The following MED27 variants were observed in gnomAD, a reference collection of about 807,000 sequenced individuals.
The protein encoded by MED27 is mediator of RNA polymerase II transcription subunit 27.
In MED27, 30 loss-of-function variants were observed where a neutral mutation model predicts 38.2. The ratio of observed to expected loss-of-function variants is 0.79; its 90% confidence interval spans 0.59 to 1.07. The LOEUF (loss-of-function observed/expected upper bound fraction) is 1.07. Among genes scored for constraint, MED27 ranks in the 50% least tolerant of loss-of-function variants. MED27 has a pLI of 0.00. For synonymous variants in MED27, 122 were observed against 153.5 expected, an observed-to-expected ratio of 0.79 and a Z score of 1.52; for missense variants, 289 against 397.5, an observed-to-expected ratio of 0.73 and a Z score of 2.32.
At chr9:132,040,109 C>T (rs980134089) in intron 2 of MED27, among the ~76,000 whole-genome samples, 2 of 152,186 alleles carry the variant, frequency 1.3e-5, no homozygotes, top group African/African-American at 4.8e-5. Flanking sequence ...TTATACATCA[C>T]TTTTCAAAAT....
chr9:132,072,083 T>C (rs766913894), intron 2 of MED27, among the ~76,000 whole-genome samples: 1 of 152,062 alleles, frequency 6.6e-6, no homozygotes, highest in Non-Finnish European at 1.5e-5. Flanking sequence ...CATAAATAAG[T>C]ACACATGCAT....
intron 4 of MED27, among the ~76,000 whole-genome samples, chr9:131,911,581 A>C (rs142002323): frequency 6.0e-4 from 91 of 152,378 alleles, no homozygotes; most frequent in African/African-American, 2.2e-3. Flanking sequence ...CTGTATGAAA[A>C]GAACATCTGT....
chr9:131,892,074 T>C (rs1209790483), intron 5 of MED27, among the ~76,000 whole-genome samples: 1 of 152,096 alleles, frequency 6.6e-6, no homozygotes, highest in East Asian at 1.9e-4. Context: ...ACGGGAAGTC[T>C]GATCTAGAAA....
intron 2 of MED27, among the ~76,000 whole-genome samples, chr9:132,021,130 A>G (rs1189501185): frequency 6.6e-6 from 1 of 152,216 alleles, no homozygotes; most frequent in Non-Finnish European, 1.5e-5. Flanking sequence ...CCAAACTTCA[A>G]AAGCTATCCA....
At chr9:131,902,130 C>T (rs1829959277) in intron 4 of MED27, among the ~76,000 whole-genome samples, 1 of 152,164 alleles carries the variant, frequency 6.6e-6, no homozygotes, top group East Asian at 1.9e-4. Flanking sequence ...AGACTCCTGG[C>T]TTCCCTCACA....
chr9:132,054,258 C>T (rs914325372), intron 2 of MED27, among the ~76,000 whole-genome samples: 1 of 152,108 alleles, frequency 6.6e-6, no homozygotes, highest in African/African-American at 2.4e-5. Flanking sequence ...TGTGCGGCAC[C>T]GCCCCGCTCC....
At chr9:131,867,317 G>C (rs1293130384) in intron 6 of MED27, among the ~76,000 whole-genome samples, 2 of 152,150 alleles carry the variant, frequency 1.3e-5, no homozygotes, top group Non-Finnish European at 2.9e-5. Context: ...GGGCATCTTG[G>C]ACTTGCCCTC....
At chr9:131,897,125 G>A (rs1394160616) in intron 4 of MED27, among the ~76,000 whole-genome samples, 1 of 152,188 alleles carries the variant, frequency 6.6e-6, no homozygotes, top group African/African-American at 2.4e-5. Context: ...ATTGCTGCAC[G>A]ACATTCTACT....
rs1832958617 is a variant in MED27 at position 132,031,457 on chromosome 9, C to G, written c.349-16990G>C. 2.0e-5 allele frequency among the ~76,000 whole-genome samples: 3 copies of G among 152,136 alleles called. No individual in the cohort carries two copies. The South Asian group carries it at 6.2e-4, about 32-fold the overall frequency. On this transcript the variant is annotated intron_variant, in intron 2 of 7. Coordinates refer to ENST00000292035, the MANE Select transcript of MED27 (RefSeq NM_004269.4). Reference sequence around the variant, plus strand: ...AGGCAACAGATAACTTCTAAAACAGCAGTCTAAGCAGGTTATTTAGGAAAA... The same window carrying G: ...AGGCAACAGATAACTTCTAAAACAGGAGTCTAAGCAGGTTATTTAGGAAAA...
At chr9:132,058,994 A>T (rs1386696235) in intron 2 of MED27, among the ~76,000 whole-genome samples, 1 of 151,872 alleles carries the variant, frequency 6.6e-6, no homozygotes, top group Non-Finnish European at 1.5e-5. Context: ...ACCCTTCCCC[A>T]CCGTGCACAC....
At chr9:131,945,979 A>C (rs923715586) in intron 3 of MED27, among the ~76,000 whole-genome samples, 2 of 85,586 alleles carry the variant, frequency 2.3e-5, no homozygotes, top group African/African-American at 3.2e-5. Flanking sequence ...AAAAAAAAAA[A>C]AAAAAAAAGC....
chr9:131,897,323 AG>A (rs554264460), intron 4 of MED27, among the ~76,000 whole-genome samples: 104 of 152,376 alleles, frequency 6.8e-4, no homozygotes, highest in African/African-American at 2.4e-3. Flanking sequence ...AAATATTTTA[AG>A]GCTTTTGATA....
chr9:132,060,344 G>T (rs1349858167), intron 2 of MED27, among the ~76,000 whole-genome samples: 3 of 152,180 alleles, frequency 2.0e-5, no homozygotes, highest in African/African-American at 7.2e-5. Flanking sequence ...ACACAAGCTT[G>T]ACCTCTTTGG....
At chr9:132,055,283 G>A (rs1833551695) in intron 2 of MED27, among the ~76,000 whole-genome samples, 1 of 152,106 alleles carries the variant, frequency 6.6e-6, no homozygotes, top group Admixed American at 6.5e-5. Flanking sequence ...CTGAAACAAG[G>A]GACCCAAGCA....
intron 6 of MED27, among the ~76,000 whole-genome samples, chr9:131,879,468 C>G (rs1273077691): frequency 6.6e-6 from 1 of 152,198 alleles, no homozygotes; most frequent in Non-Finnish European, 1.5e-5. Flanking sequence ...TCTACCTCAG[C>G]TAGAGCAGGA....
At chr9:132,035,839 C>G (rs1189464311) in intron 2 of MED27, among the ~76,000 whole-genome samples, 3 of 152,112 alleles carry the variant, frequency 2.0e-5, no homozygotes, top group Non-Finnish European at 2.9e-5. Flanking sequence ...ATGGCAGACA[C>G]CTTTAGTCCC....
rs1198834583 is a variant in MED27, at chr9:131,889,365, A to C, written c.681+4520T>G. Among the ~76,000 whole-genome samples the C allele has an allele frequency of 6.6e-6, 1 of 152,216 alleles. No homozygotes were observed. Among genetic ancestry groups the C allele is most frequent in the Non-Finnish European group, 1.5e-5 (1 of 68,044 alleles). On this transcript the variant is annotated intron_variant, in intron 5 of 7. Transcript: ENST00000292035. This position sits in a 1 kb window ranked among gnomAD's most constrained non-coding sequence, Gnocchi z 4.2. ...AGCATTAACATAACCTAAATCCCCC[A>C]AAAAGTTAAATTCGAACGAGACACA...
chr9:131,867,088 T>C (rs1468224232), intron 6 of MED27, among the ~76,000 whole-genome samples: 1 of 152,230 alleles, frequency 6.6e-6, no homozygotes. Flanking sequence ...TTTTGCCATG[T>C]TTGTTTCGTG....
chr9:132,073,849 T>G, intron 2 of MED27: 1 of 1,356,646 alleles, frequency 7.4e-7, no homozygotes, highest in Non-Finnish European at 9.5e-7. Context: ...CTGGGGTCTT[T>G]GCAGCTTCAG....
Sources: gnomAD v4.1 joint callset for allele counts (sites outside exome capture counted in the v4.1 genomes callset) on GRCh38, gnomAD v4.1.1 for gene constraint, Gnocchi (gnomAD v3.1) non-coding constraint, MANE v1.5 for transcripts, NCBI Gene and HGNC (gene_info 2026-07-23, HGNC 2026-07-21) for gene names.